Variants in CEP192 observed in about 807,000 individuals in gnomAD.
CEP192 encodes centrosomal protein 192.
CEP192 carries 151 observed loss-of-function variants against 271.8 expected under a neutral mutation model. The observed-to-expected ratio is 0.56, with a 90% CI of 0.49 to 0.64. The LOEUF is 0.64. CEP192 is among the 30% of genes least tolerant of loss of function. CEP192 has a pLI of 0.00. For missense variants in CEP192, 2,910 were observed against 3,020.5 expected (o/e 0.96, Z 0.86); for synonymous variants, 995 against 1,076.5 (o/e 0.92, Z 1.48).
intron 21 of CEP192, among the ~76,000 whole-genome samples, chr18:13,062,465 C>T (rs576148981): frequency 6.6e-6 from 1 of 151,310 alleles, no homozygotes; most frequent in East Asian, 1.9e-4. Flanking sequence ...TGCTCTCTAA[C>T]TTACATTCCT....
At chr18:13,024,208 C>G in intron 9 of CEP192, 1 of 404,010 alleles carries the variant, frequency 2.5e-6, no homozygotes. Context: ...TTATGTCTTC[C>G]TAGAGAATTG....
At position 13,049,648 on chromosome 18, in the gene CEP192, G is replaced by A. The variant is rs1264019552; in HGVS notation, c.2857G>A (p.Glu953Lys). 1.9e-6 allele frequency: 3 copies of A among 1,612,186 alleles called. No homozygotes were observed. Among genetic ancestry groups the A allele is most frequent in the South Asian group, 2.2e-5 (2 of 90,658 alleles). The change falls in exon 16 of 45, where the codon GAA (glutamate) becomes AAA (lysine). Residue 953 changes from glutamate to lysine, a missense_variant. Physicochemically the swap from Glu to Lys is moderately conservative, Grantham distance 56. Coordinates refer to ENST00000506447, the MANE Select transcript of CEP192 (RefSeq NM_032142.4). ...ISNSEKHVTF[E>K]NHRIVSPKNS... ...CAACAGTGAGAAGCATGTGACTTTTGAAAACCATCGCATAGTCTCACCTAA... is the reference window on the plus strand; with the variant it reads ...CAACAGTGAGAAGCATGTGACTTTTAAAAACCATCGCATAGTCTCACCTAA...
chr18:13,041,163 A>G (rs1377956297), intron 14 of CEP192, among the ~76,000 whole-genome samples: 1 of 152,202 alleles, frequency 6.6e-6, no homozygotes, highest in Admixed American at 6.5e-5. Flanking sequence ...AATCTACCTA[A>G]ATTTGTAAAA....
chr18:13,118,661 A>G (rs1462459837), intron 44 of CEP192, among the ~76,000 whole-genome samples: 2 of 152,238 alleles, frequency 1.3e-5, no homozygotes, highest in Non-Finnish European at 2.9e-5. Flanking sequence ...AAATTATCAT[A>G]AACTTGATAA....
intron 42 of CEP192, among the ~76,000 whole-genome samples, chr18:13,115,629 A>T (rs1409819960): frequency 6.6e-6 from 1 of 152,196 alleles, no homozygotes; most frequent in Non-Finnish European, 1.5e-5. Context: ...GGAAGAGAAC[A>T]GGCAGACTGG....
Position 13,100,311 on chromosome 18 carries a change from G to T in CEP192, c.6670G>T (p.Val2224Leu). 1.2e-6 allele frequency: 2 copies of T among 1,613,092 alleles called. No individual in the cohort carries two copies. Among genetic ancestry groups the T allele is most frequent in the East Asian group, 2.2e-5 (1 of 44,856 alleles). The change falls in exon 38 of 45, where the codon GTG (valine) becomes TTG (leucine). Residue 2224 changes from valine (V) to leucine (L), a missense_variant. Coordinates refer to ENST00000506447, the MANE Select transcript of CEP192 (RefSeq NM_032142.4). The part of the protein sequence containing the change: ...IHCDDGQKKI[V>L]KVQIREDLTQ... ...TTTATTTGGCTCATTTCAGAAAATT[G>T]TGAAAGTTCAAATTCGAGAAGATTT...
chr18:13,075,155 T>C (rs940115924), intron 30 of CEP192, among the ~76,000 whole-genome samples: 2 of 152,226 alleles, frequency 1.3e-5, no homozygotes, highest in African/African-American at 4.8e-5. Context: ...ATTAATGCTG[T>C]TATAAAAAGG....
intron 14 of CEP192, 102 bp from the exon 15 acceptor site, chr18:13,042,102 A>G (rs973018896): frequency 6.7e-6 from 6 of 900,870 alleles, no homozygotes; most frequent in African/African-American, 3.4e-5. Context: ...GTACAAAGAC[A>G]TCTTCCTTGG....
Position 13,092,267 on chromosome 18 carries a change from C to T in CEP192, c.6104-110C>T, listed in dbSNP as rs374104882. The T allele has an allele frequency of 2.2e-5, 16 of 741,124 alleles. No homozygotes were observed. In the African/African-American group the frequency reaches 2.4e-4, roughly 11 times the overall value. 45.9% of individuals were successfully genotyped at this position (741,124 alleles called of 1,614,324 possible). A position where few individuals can be genotyped will look rare whatever the true frequency, so the allele number is the denominator to read the frequency against. On this transcript the variant is annotated intron_variant, in intron 33 of 44. Transcript: ENST00000506447. ...ACTGCTAATCCAAATGTCACCTCCC[C>T]CAACCCAGGAAACTAATATTCTATA...
intron 42 of CEP192, 86 bp from the exon 43 acceptor site, chr18:13,116,291 C>G: frequency 2.5e-6 from 3 of 1,206,144 alleles, no homozygotes; most frequent in Non-Finnish European, 3.5e-6. Flanking sequence ...TAAATTAATG[C>G]AATACTACAT....
intron 4 of CEP192, among the ~76,000 whole-genome samples, chr18:13,010,852 G>GA (rs918450611): frequency 1.3e-4 from 18 of 143,474 alleles, no homozygotes; most frequent in East Asian, 4.1e-4. Flanking sequence ...ATCTCAAAAA[G>GA]AAAAAAAAAA....
chr18:13,074,716 A>G (rs2038182137), intron 30 of CEP192, among the ~76,000 whole-genome samples: 1 of 152,182 alleles, frequency 6.6e-6, no homozygotes, highest in Non-Finnish European at 1.5e-5. Context: ...AAATATGGCT[A>G]TTATTTCACA....
chr18:13,042,566 A>C (rs2143834827), intron 15 of CEP192, among the ~76,000 whole-genome samples: 1 of 152,398 alleles, frequency 6.6e-6, no homozygotes, highest in East Asian at 1.9e-4. Flanking sequence ...AATTATCACA[A>C]GTCATACACT....
chr18:13,120,809 A>G (rs1290766284), intron 44 of CEP192, among the ~76,000 whole-genome samples: 2 of 152,260 alleles, frequency 1.3e-5, no homozygotes, highest in East Asian at 3.8e-4. Flanking sequence ...GCAGCAGTTC[A>G]TTGTAAATTT....
At chr18:13,098,260 G>A (rs1292236039) in intron 36 of CEP192, among the ~76,000 whole-genome samples, 1 of 151,862 alleles carries the variant, frequency 6.6e-6, no homozygotes, top group African/African-American at 2.4e-5. Flanking sequence ...CGGGACGGCT[G>A]GCCAGGCGGG....
At chr18:13,067,711 G>A in intron 21 of CEP192, 120 bp from the exon 22 acceptor site, 1 of 692,780 alleles carries the variant, frequency 1.4e-6, no homozygotes, top group Non-Finnish European at 2.4e-6. Flanking sequence ...GGAAAATGTA[G>A]GTAAGTTTTA....
intron 10 of CEP192, 32 bp downstream of exon 10, chr18:13,030,034 G>GAAATAGAT: frequency 7.1e-7 from 1 of 1,409,480 alleles, no homozygotes; most frequent in East Asian, 2.5e-5. Context: ...TAGAGTGAAA[G>GAAATAGAT]AAATAGATGT....
chr18:13,124,487 C>T (rs1157340411), intron 44 of CEP192, 145 bp from the exon 45 acceptor site: 2 of 631,806 alleles, frequency 3.2e-6, no homozygotes, highest in Non-Finnish European at 4.9e-6. Context: ...TAAATAATAG[C>T]ATCCAAGAAA....
chr18:13,101,469 A>G (rs535753236), intron 38 of CEP192, among the ~76,000 whole-genome samples: 55 of 152,324 alleles, frequency 3.6e-4, no homozygotes, highest in East Asian at 3.9e-4. Context: ...TTTGTTGTCT[A>G]TTAGGCACTC....
Sources: allele counts gnomAD v4.1 joint callset (sites outside exome capture counted in the v4.1 genomes callset), GRCh38; gene constraint gnomAD v4.1.1; transcripts MANE v1.5; gene names NCBI Gene and HGNC (gene_info 2026-07-23, HGNC 2026-07-21).